CWF19L2: variants seen among roughly 807,000 people sequenced by gnomAD.
CWF19L2 encodes the protein CWF19 like cell cycle control factor 2.
CWF19L2 carries 98 observed loss-of-function variants against 111.7 expected under a neutral mutation model. The observed-to-expected ratio is 0.88, with a 90% CI of 0.75 to 1.04. CWF19L2 has a LOEUF of 1.04. CWF19L2 is among the 50% of genes least tolerant of loss of function. The probability of loss-of-function intolerance (pLI) is 0.00; values close to 1 mark genes in which losing one functional copy is unlikely to be tolerated. For missense variants in CWF19L2, 1,101 were observed against 1,051.4 expected (o/e 1.05, Z -0.65); for synonymous variants, 351 against 342.9 (o/e 1.02, Z -0.26).
At chr11:107,389,470 C>T (rs1860817210) in intron 12 of CWF19L2, among the ~76,000 whole-genome samples, 1 of 152,136 alleles carries the variant, frequency 6.6e-6, no homozygotes, top group African/African-American at 2.4e-5. Context: ...TGTTACAGAA[C>T]AGTTTAAATA....
At chr11:107,434,043 AAAT>A (rs1213470960) in intron 6 of CWF19L2, among the ~76,000 whole-genome samples, 1 of 151,404 alleles carries the variant, frequency 6.6e-6, no homozygotes, top group East Asian at 1.9e-4. Context: ...ATTACAATAA[AAAT>A]AATGTGACCG....
At chr11:107,440,896 T>C (rs1861611392) in intron 5 of CWF19L2, among the ~76,000 whole-genome samples, 2 of 152,076 alleles carry the variant, frequency 1.3e-5, no homozygotes. Context: ...GATAAAAAAA[T>C]ATATAAAGTT....
In CWF19L2 at chr11:107,383,210, A is replaced by C. The variant is rs563253019; in HGVS notation, c.1872+6864T>G. Among the ~76,000 whole-genome samples, 40 of 152,268 alleles carry C rather than the reference A, an allele frequency of 2.6e-4. 1 individual carries two copies. The South Asian group carries it at 7.9e-3, about 30-fold the overall frequency. ...CCCCAACTTGAAGCTGGGTGGTCAGAAGTTCTGGAAGCCCAGACTTGTGAC... is the reference window on the plus strand; with the variant it reads ...CCCCAACTTGAAGCTGGGTGGTCAGCAGTTCTGGAAGCCCAGACTTGTGAC... On this transcript the variant is annotated intron_variant, in intron 12 of 17. Coordinates refer to ENST00000282251, the MANE Select transcript of CWF19L2 (RefSeq NM_152434.3).
At chr11:107,446,696 A>G (rs2135425851) in intron 3 of CWF19L2, among the ~76,000 whole-genome samples, 1 of 152,324 alleles carries the variant, frequency 6.6e-6, no homozygotes, top group South Asian at 2.1e-4. Flanking sequence ...GGCAAAGAAT[A>G]AGCATTTGAT....
chr11:107,454,035 T>A (rs2135431943), intron 3 of CWF19L2, among the ~76,000 whole-genome samples: 1 of 152,310 alleles, frequency 6.6e-6, no homozygotes, highest in South Asian at 2.1e-4. Flanking sequence ...CGCCAGTACC[T>A]GGGTCCCTGA....
chr11:107,344,643 A>G (rs996939795), intron 14 of CWF19L2, among the ~76,000 whole-genome samples: 1 of 152,130 alleles, frequency 6.6e-6, no homozygotes, highest in Admixed American at 6.5e-5. Flanking sequence ...TTGCTTGTTG[A>G]AGCATTTTTA....
chr11:107,352,804 AT>A (rs1860175660), intron 13 of CWF19L2, among the ~76,000 whole-genome samples: 1 of 152,186 alleles, frequency 6.6e-6, no homozygotes, highest in South Asian at 2.1e-4. Context: ...TATGTATACA[AT>A]AAACAACATA....
At chr11:107,327,192 G>T in intron 17 of CWF19L2, 139 bp from the exon 18 acceptor site, 1 of 883,366 alleles carries the variant, frequency 1.1e-6, no homozygotes, top group Non-Finnish European at 1.6e-6. Context: ...ACTAGTTGAA[G>T]TTAAAAAAAT....
intron 12 of CWF19L2, among the ~76,000 whole-genome samples, chr11:107,362,350 T>C: frequency 6.6e-6 from 1 of 151,910 alleles, no homozygotes; most frequent in East Asian, 2.0e-4. Flanking sequence ...CCTGCCTCTG[T>C]AGGCTTCACC....
chr11:107,406,281 C>A (rs79371078), intron 10 of CWF19L2, among the ~76,000 whole-genome samples: 1,960 of 152,322 alleles, frequency 0.013, 35 homozygotes, highest in African/African-American at 0.044. Context: ...TGGTAGCCTG[C>A]AAGTTTGTTA....
At chr11:107,416,001 G>A (rs1254180312) in intron 10 of CWF19L2, among the ~76,000 whole-genome samples, 1 of 152,064 alleles carries the variant, frequency 6.6e-6, no homozygotes, top group Admixed American at 6.6e-5. Flanking sequence ...GGAGGCTGAG[G>A]CACAAGAATT....
At chr11:107,334,795 T>C in intron 16 of CWF19L2, 86 bp downstream of exon 16, 3 of 851,582 alleles carry the variant, frequency 3.5e-6, no homozygotes, top group Non-Finnish European at 5.9e-6. Context: ...CTCAACCAAA[T>C]GGTCCCTTTG....
At chr11:107,402,745 A>C (rs926609271) in intron 10 of CWF19L2, among the ~76,000 whole-genome samples, 1 of 151,630 alleles carries the variant, frequency 6.6e-6, no homozygotes, top group African/African-American at 2.4e-5. Flanking sequence ...TATCCAAAGG[A>C]AAAGAAGTCA....
chr11:107,360,894 T>C (rs140314769), intron 12 of CWF19L2, among the ~76,000 whole-genome samples: 11 of 152,342 alleles, frequency 7.2e-5, no homozygotes, highest in African/African-American at 1.9e-4. Flanking sequence ...CCTTGACAAA[T>C]GCATATTTTG....
At chr11:107,430,289 T>C (rs557885499) in intron 7 of CWF19L2, among the ~76,000 whole-genome samples, 67 of 150,592 alleles carry the variant, frequency 4.4e-4, no homozygotes, top group African/African-American at 1.6e-3. Context: ...TAGGGGTAGA[T>C]AAATAACAAA....
intron 14 of CWF19L2, among the ~76,000 whole-genome samples, chr11:107,340,852 C>A (rs1859995956): frequency 6.6e-6 from 1 of 152,178 alleles, no homozygotes; most frequent in Admixed American, 6.6e-5. Context: ...TTTGAAATTT[C>A]TCTTAACAGT....
At chr11:107,341,764 T>C (rs1245553988) in intron 14 of CWF19L2, among the ~76,000 whole-genome samples, 2 of 152,190 alleles carry the variant, frequency 1.3e-5, no homozygotes, top group Admixed American at 1.3e-4. Context: ...GTCTACTTCC[T>C]TATTAGTTAA....
chr11:107,449,137 CAAAAA>C (rs34294840), intron 3 of CWF19L2, among the ~76,000 whole-genome samples: 2 of 85,840 alleles, frequency 2.3e-5, no homozygotes, highest in Non-Finnish European at 2.4e-5. Context: ...TTTTACAGTG[CAAAAA>C]AAAAAAAAAA....
intron 10 of CWF19L2, among the ~76,000 whole-genome samples, chr11:107,405,775 T>C (rs535859945): frequency 1.3e-5 from 2 of 150,902 alleles, no homozygotes; most frequent in Non-Finnish European, 2.9e-5. Context: ...GCTGACTAAA[T>C]TGGGATATAT....
Sources: gnomAD v4.1 joint callset for allele counts (sites outside exome capture counted in the v4.1 genomes callset) on GRCh38, gnomAD v4.1.1 for gene constraint, MANE v1.5 for transcripts, NCBI Gene and HGNC (gene_info 2026-07-23, HGNC 2026-07-21) for gene names.